Variants in GRHL1 observed in about 807,000 individuals in gnomAD.
The protein encoded by GRHL1 is grainyhead-like protein 1 homolog.
In GRHL1, 38 loss-of-function variants were observed where a neutral mutation model predicts 75.7. The observed-to-expected ratio is 0.50, with a 90% CI of 0.39 to 0.66. GRHL1 has a LOEUF of 0.66. GRHL1 is among the 30% of genes least tolerant of loss of function. The pLI is 0.00. For missense variants in GRHL1, 589 were observed against 767.5 expected (o/e 0.77, Z 2.75); for synonymous variants, 266 against 279.4 (o/e 0.95, Z 0.48).
At chr2:9,998,691 T>TAC (rs1289869961) in intron 14 of GRHL1, among the ~76,000 whole-genome samples, 1 of 72,572 alleles carries the variant, frequency 1.4e-5, no homozygotes, top group Non-Finnish European at 2.4e-5. Context: ...CATATATATG[T>TAC]ACACACATAT....
chr2:9,985,200 A>G (rs1668363752), intron 8 of GRHL1, among the ~76,000 whole-genome samples: 1 of 152,216 alleles, frequency 6.6e-6, no homozygotes. Flanking sequence ...TCATGATTGA[A>G]TAGTAGAACT....
In GRHL1 at chr2:9,964,364, C is replaced by G; in HGVS notation, c.1015+18C>G. ...TGACATAGGTAAGCAGCTCAAGAGC[C>G]CGCTTTTATTCCCAGAGGTGCAGCC... is the stretch of plus-strand genomic sequence containing the variant. On this transcript the variant is annotated intron_variant, in intron 7 of 15. Transcript: ENST00000324907. 7.6e-7 allele frequency: 1 copy of G among 1,321,728 alleles called. No individual in the cohort carries two copies. The highest frequency in any genetic ancestry group is 1.1e-6 in the Non-Finnish European group (1 of 925,094). 81.9% of individuals were successfully genotyped at this position (1,321,728 alleles called of 1,614,324 possible). A position where few individuals can be genotyped will look rare whatever the true frequency, so the allele number is the denominator to read the frequency against.
rs1213295026 is a variant in GRHL1, at chr2:9,995,966, G to C, written c.1587G>C (p.Lys529Asn). ...STKLARIEEP[K>N]RVLLYVRKES... is the part of the protein sequence containing the mutation. ...AGCTGGCCCGGATAGAAGAACCAAA[G>C]AGAGGTGTGTTCGTTTCCATTTCTT... Residue 529 changes from lysine to asparagine, a missense_variant, in exon 13 of 16, where the codon AAG becomes AAC. This residue lies in a region of GRHL1 where 192 missense variants were observed against 226.6 expected (regional missense o/e 0.85). Coordinates refer to ENST00000324907, the MANE Select transcript of GRHL1 (RefSeq NM_198182.3). 4.4e-6 allele frequency: 7 copies of C among 1,585,418 alleles called. No individual in the cohort carries two copies. Among genetic ancestry groups the C allele is most frequent in the Non-Finnish European group, 6.1e-6 (7 of 1,153,878 alleles).
chr2:9,998,481 CAT>C (rs369694093), intron 14 of GRHL1, among the ~76,000 whole-genome samples: 1 of 3,560 alleles, frequency 2.8e-4, no homozygotes, highest in Non-Finnish European at 4.6e-4. Context: ...TATATATATA[CAT>C]ATATATACGT....
intron 9 of GRHL1, among the ~76,000 whole-genome samples, chr2:9,989,052 T>C (rs1668536184): frequency 1.3e-5 from 2 of 152,050 alleles, no homozygotes; most frequent in South Asian, 2.1e-4. Flanking sequence ...GGCTAGGAGA[T>C]TGGGGATATT....
At chr2:9,982,599 C>G (rs1044593988) in intron 8 of GRHL1, among the ~76,000 whole-genome samples, 2 of 152,206 alleles carry the variant, frequency 1.3e-5, no homozygotes, top group African/African-American at 4.8e-5. Flanking sequence ...AGCTTGTTAA[C>G]CTCCCGCTTC....
At chr2:9,999,110 G>A in intron 15 of GRHL1, 81 bp downstream of exon 15, 1 of 563,228 alleles carries the variant, frequency 1.8e-6, no homozygotes, top group Non-Finnish European at 3.1e-6. Flanking sequence ...CCCCAGTGCT[G>A]TTGACACCCC....
intron 15 of GRHL1, among the ~76,000 whole-genome samples, chr2:9,999,272 C>T (rs1042145542): frequency 1.3e-5 from 2 of 152,208 alleles, no homozygotes; most frequent in East Asian, 1.9e-4. Context: ...AAATTATATA[C>T]GAAATTACTT....
Position 10,000,585 on chromosome 2 carries a change from C to A in GRHL1, c.1743-8C>A, listed in dbSNP as rs749392568. 10 of 1,566,412 alleles carry A rather than the reference C, an allele frequency of 6.4e-6. No homozygotes were observed. Among genetic ancestry groups the A allele is most frequent in the Admixed American group, 3.3e-5 (2 of 59,702 alleles). ...TGAAGTTGGTTGGTCTTGTCCCCCC[C>A]CATCCAGGATCCTGGTGAACATGGA... On this transcript the variant is annotated splice_polypyrimidine_tract_variant and splice_region_variant and intron_variant, in intron 15 of 15. Transcript: ENST00000324907.
At position 9,973,267 on chromosome 2, in the gene GRHL1, A is replaced by G. The variant is rs1026856412; in HGVS notation, c.1110+7886A>G. ...GCGTGTTGGGGTTCTCTCAGTGGGA[A>G]TGGGTTCTGCTTCTGAGTCTGTGAC... On this transcript the variant is annotated intron_variant, in intron 8 of 15. Transcript: ENST00000324907. Among the ~76,000 whole-genome samples the G allele has an allele frequency of 2.0e-5, 3 of 152,184 alleles. No individual in the cohort carries two copies. In the East Asian group the frequency reaches 5.8e-4, roughly 29 times the overall value.
chr2:9,958,994 G>C (rs991519722), intron 3 of GRHL1, 138 bp downstream of exon 3: 3 of 1,301,386 alleles, frequency 2.3e-6, no homozygotes, highest in Admixed American at 5.8e-5. Flanking sequence ...TCTAAATTCA[G>C]ATTTCATCAC....
In GRHL1 at chr2:9,990,065, A is replaced by G. The variant is rs963494604; in HGVS notation, c.1270-631A>G. Among the ~76,000 whole-genome samples the G allele has an allele frequency of 3.9e-5, 6 of 151,908 alleles. No homozygotes were observed. The highest frequency in any genetic ancestry group is 2.6e-4 in the Admixed American group (4 of 15,260). ...TTTTCCTACTGGACAAAGGGAAAAT[A>G]CCCTTGTGTCTTTGCAGGCATGTGG... is the stretch of plus-strand genomic sequence containing the variant. On this transcript the variant is annotated intron_variant, in intron 9 of 15. Transcript: ENST00000324907. This position sits in a 1 kb window ranked among gnomAD's most constrained non-coding sequence, Gnocchi z 4.2.
intron 14 of GRHL1, among the ~76,000 whole-genome samples, chr2:9,997,465 C>T (rs920754610): frequency 2.0e-5 from 3 of 152,022 alleles, no homozygotes; most frequent in Admixed American, 6.5e-5. Flanking sequence ...CTTCCTGCCT[C>T]CTAGGATGTC....
intron 9 of GRHL1, among the ~76,000 whole-genome samples, chr2:9,988,743 C>T (rs1283335475): frequency 1.3e-5 from 2 of 152,138 alleles, no homozygotes; most frequent in Non-Finnish European, 2.9e-5. Flanking sequence ...TCCCAGGGAT[C>T]ACTGTTCTTT....
chr2:9,988,729 T>C (rs955075986), intron 9 of GRHL1, among the ~76,000 whole-genome samples: 4 of 152,184 alleles, frequency 2.6e-5, no homozygotes, highest in African/African-American at 7.2e-5. Flanking sequence ...CGCGGGTTCC[T>C]GTCTCCCAGG....
Position 10,001,526 on chromosome 2 carries a change from A to G in GRHL1, c.*819A>G, listed in dbSNP as rs1442815885. 6.6e-6 allele frequency: 1 copy of G among 152,228 alleles called. No homozygotes were observed. Among genetic ancestry groups the G allele is most frequent in the Non-Finnish European group, 1.5e-5 (1 of 68,046 alleles). 9.4% of individuals were successfully genotyped at this position (152,228 alleles called of 1,614,324 possible). ...AGGTTAAGTTATTTTTTGATCGTGT[A>G]TACCAAGCAGATAGAATACTGTGCT... On this transcript the variant is annotated 3_prime_UTR_variant, in exon 16 of 16. Coordinates refer to ENST00000324907, the MANE Select transcript of GRHL1 (RefSeq NM_198182.3).
Position 9,987,380 on chromosome 2 carries a change from T to C in GRHL1, c.1269+1098T>C, listed in dbSNP as rs1572379480. On this transcript the variant is annotated intron_variant, in intron 9 of 15. Transcript: ENST00000324907. The surrounding 1 kb of genome is among the most constrained non-coding windows in gnomAD (Gnocchi z 4.2). ...TAGAAGGGTTGATAAGTACGTTTTG[T>C]TGGGCATGTCTGATAAGTAAAGGAG... Among the ~76,000 whole-genome samples, 1 of 152,196 alleles carries C rather than the reference T, an allele frequency of 6.6e-6. No individual in the cohort carries two copies. The highest frequency in any genetic ancestry group is 2.4e-5 in the African/African-American group (1 of 41,444).
intron 10 of GRHL1, 51 bp from the exon 11 acceptor site, chr2:9,991,956 A>T (rs1361867363): frequency 6.9e-7 from 1 of 1,446,228 alleles, no homozygotes; most frequent in South Asian, 1.3e-5. Flanking sequence ...TCCAGTCTGT[A>T]TGTAATCCTT....
Position 9,968,873 on chromosome 2 carries a change from TC to T in GRHL1, c.1110+3494del, listed in dbSNP as rs1335132724. On this transcript the variant is annotated intron_variant, in intron 8 of 15. Coordinates refer to ENST00000324907, the MANE Select transcript of GRHL1 (RefSeq NM_198182.3). This position sits in a 1 kb window ranked among gnomAD's most constrained non-coding sequence, Gnocchi z 4.7. ...CTGGATCTAGGCTCCTGCCACTAGT[TC>T]CGCAGGCCAGGTAGATAGTGGCATA... Among the ~76,000 whole-genome samples the T allele has an allele frequency of 1.3e-5, 2 of 152,184 alleles. No individual in the cohort carries two copies. Among genetic ancestry groups the T allele is most frequent in the East Asian group, 3.9e-4 (2 of 5,190 alleles).
Sources: allele counts gnomAD v4.1 joint callset (sites outside exome capture counted in the v4.1 genomes callset), GRCh38; gene constraint gnomAD v4.1.1; regional missense constraint gnomAD v4.1.1; non-coding constraint Gnocchi (gnomAD v3.1); transcripts MANE v1.5; gene names NCBI Gene and HGNC (gene_info 2026-07-23, HGNC 2026-07-21).